The following BRD9 variants were observed in gnomAD, a reference collection of about 807,000 sequenced individuals.
The protein encoded by BRD9 is bromodomain containing 9.
A neutral mutation model predicts 68.7 loss-of-function variants in BRD9; 47 were observed. The observed-to-expected ratio is 0.68, with a 90% CI of 0.54 to 0.87. BRD9 has a LOEUF of 0.87. Among genes scored for constraint, BRD9 ranks in the 40% least tolerant of loss-of-function variants. BRD9 has a pLI of 0.00. For synonymous variants in BRD9, 313 were observed against 293.9 expected (o/e 1.06, Z -0.67); for missense variants, 670 against 748.4 (o/e 0.90, Z 1.22).
At chr5:878,772 G>C (rs1285991852) in intron 10 of BRD9, 2 of 453,026 alleles carry the variant, frequency 4.4e-6, no homozygotes, top group East Asian at 7.7e-5. Flanking sequence ...TGGAAACGTG[G>C]GCAGAGCGCA....
chr5:887,271 C>G, intron 6 of BRD9, 90 bp downstream of exon 6: 7 of 1,097,504 alleles, frequency 6.4e-6, no homozygotes, highest in Non-Finnish European at 9.6e-6. Flanking sequence ...GGATGGAGCA[C>G]GTGTTCACTG....
intron 14 of BRD9, chr5:865,837 C>G (rs1749306731): frequency 4.9e-6 from 2 of 409,404 alleles, no homozygotes; most frequent in South Asian, 1.1e-4. Flanking sequence ...TAGCACCGCA[C>G]AGACCACGTC....
At chr5:891,112 T>A (rs755286200) in intron 3 of BRD9, 43 bp downstream of exon 3, 2 of 1,504,196 alleles carry the variant, frequency 1.3e-6, no homozygotes, top group Non-Finnish European at 1.8e-6. Context: ...TTTACAACGA[T>A]GAGCTGTGAA....
chr5:886,204 G>A (rs1294319541), intron 7 of BRD9, among the ~76,000 whole-genome samples: 5 of 152,252 alleles, frequency 3.3e-5, no homozygotes, highest in Non-Finnish European at 7.3e-5. Context: ...GAAGCCCCCT[G>A]CCAATGCTGG....
chr5:886,818 A>G, intron 6 of BRD9, 111 bp from the exon 7 acceptor site: 1 of 1,570,782 alleles, frequency 6.4e-7, no homozygotes, highest in African/African-American at 1.3e-5. Context: ...CCTCACAGCC[A>G]GGGTGCCGTG....
rs1334699402 is a variant in BRD9, at chr5:864,355, G to A, written c.*113C>T. On this transcript the variant is annotated 3_prime_UTR_variant, in exon 16 of 16. Transcript: ENST00000467963. ...GACAATTCATTACCTCCCCGCGGCT[G>A]CTTCCCGCATGCCAAAGGGGACAGG... is the stretch of plus-strand genomic sequence containing the variant. 14 of 849,038 alleles carry A rather than the reference G, an allele frequency of 1.6e-5. No individual in the cohort carries two copies. Among genetic ancestry groups the A allele is most frequent in the Non-Finnish European group, 2.3e-5 (13 of 562,796 alleles). The allele number at this position is 849,038 out of a possible 1,614,324, so 52.6% of individuals were successfully genotyped here.
In BRD9 at chr5:881,161, C is replaced by T. The variant is rs376718869; in HGVS notation, c.988G>A (p.Gly330Arg). The T allele has an allele frequency of 9.9e-6, 16 of 1,613,938 alleles. No individual in the cohort carries two copies. The highest frequency in any genetic ancestry group is 4.0e-5 in the African/African-American group (3 of 74,950). ...ACGCTGTAGAGCAGGCTCCCGTCCC[C>T]GTTCCTCTTCAGATAGCCCATCTGG... ...GGKMGYLKRNGDGSLLYSVVN... is the reference protein window; with the variant it reads ...GGKMGYLKRNRDGSLLYSVVN... The change falls in exon 9 of 16, where the codon GGG becomes AGG. Residue 330 changes from glycine (G) to arginine (R), a missense_variant. Around this residue, in one of 5 missense-constraint regions of BRD9, gnomAD observed 135 missense variants for 141.2 expected, o/e 0.96. Coordinates refer to ENST00000467963, the MANE Select transcript of BRD9 (RefSeq NM_023924.5).
chr5:885,134 G>T (rs1752353739), intron 7 of BRD9, among the ~76,000 whole-genome samples: 1 of 152,196 alleles, frequency 6.6e-6, no homozygotes, highest in African/African-American at 2.4e-5. Context: ...ATGAAACCCC[G>T]ACCCCTGAAG....
At chr5:883,821 C>A in intron 8 of BRD9, 117 bp downstream of exon 8, 1 of 1,436,474 alleles carries the variant, frequency 7.0e-7, no homozygotes, top group African/African-American at 1.4e-5. Flanking sequence ...CAGGGCCCCA[C>A]GCTGACCTCT....
intron 3 of BRD9, 142 bp downstream of exon 3, chr5:891,013 A>G (rs1753283632): frequency 9.2e-7 from 1 of 1,084,732 alleles, no homozygotes; most frequent in Admixed American, 3.2e-5. Flanking sequence ...CTCAGGCCAG[A>G]GGACACCTGG....
At chr5:889,803 TC>T in intron 3 of BRD9, 156 bp from the exon 4 acceptor site, 3 of 1,457,042 alleles carry the variant, frequency 2.1e-6, no homozygotes, top group Non-Finnish European at 2.7e-6. Flanking sequence ...CAGCCTTGGC[TC>T]CCACCAAGCT....
intron 10 of BRD9, 129 bp from the exon 11 acceptor site, chr5:878,616 T>C (rs1751357976): frequency 1.5e-6 from 2 of 1,331,312 alleles, no homozygotes; most frequent in Non-Finnish European, 2.1e-6. Flanking sequence ...CCTCTCTTGC[T>C]CTCCACAAAA....
intron 9 of BRD9, 87 bp from the exon 10 acceptor site, chr5:879,976 TCA>T (rs1403607798): frequency 3.8e-6 from 4 of 1,062,188 alleles, no homozygotes; most frequent in Middle Eastern, 2.4e-4. Context: ...TTTCTCCACA[TCA>T]CAGTGGATGT....
chr5:885,851 C>G (rs1752476387), intron 7 of BRD9, among the ~76,000 whole-genome samples: 1 of 152,240 alleles, frequency 6.6e-6, no homozygotes, highest in African/African-American at 2.4e-5. Context: ...TTGGTCCTAT[C>G]AGGCAGCCAC....
intron 8 of BRD9, 28 bp from the exon 9 acceptor site, chr5:881,210 G>A: frequency 1.2e-6 from 2 of 1,609,146 alleles, no homozygotes; most frequent in South Asian, 1.1e-5. Context: ...CTGAGCGTCT[G>A]TCCCTCAGGA....
In BRD9 at chr5:892,592, C is replaced by T. The variant is rs1326730977; in HGVS notation, c.52+14G>A. 3 of 1,535,072 alleles carry T rather than the reference C, an allele frequency of 2.0e-6. No homozygotes were observed. The highest frequency in any genetic ancestry group is 2.6e-6 in the Non-Finnish European group (3 of 1,140,508). On this transcript the variant is annotated intron_variant, in intron 1 of 15. Transcript: ENST00000467963. ...ACCCCGCCCGCCGCGCGTCACAAAGCGCCGCCGCCTCACCCTCGTAGGACG... is the reference window on the plus strand; with the variant it reads ...ACCCCGCCCGCCGCGCGTCACAAAGTGCCGCCGCCTCACCCTCGTAGGACG...
At chr5:873,506 G>A (rs1036159017) in intron 12 of BRD9, among the ~76,000 whole-genome samples, 7 of 152,088 alleles carry the variant, frequency 4.6e-5, no homozygotes, top group African/African-American at 7.2e-5. Flanking sequence ...TGCAGATACC[G>A]CCCTTCTAGG....
intron 12 of BRD9, among the ~76,000 whole-genome samples, chr5:872,025 G>T (rs1211121908): frequency 1.3e-5 from 2 of 152,198 alleles, no homozygotes; most frequent in Non-Finnish European, 2.9e-5. Flanking sequence ...GACACCTCCT[G>T]GCAGTGCCTG....
intron 8 of BRD9, 108 bp from the exon 9 acceptor site, chr5:881,290 C>G (rs1375475106): frequency 3.8e-6 from 4 of 1,053,824 alleles, no homozygotes; most frequent in Non-Finnish European, 5.6e-6. Context: ...CACATTTGTC[C>G]AAGAACAAAC....
Sources: gnomAD v4.1 joint callset for allele counts (sites outside exome capture counted in the v4.1 genomes callset) on GRCh38, gnomAD v4.1.1 for gene constraint, gnomAD v4.1.1 regional missense constraint, MANE v1.5 for transcripts, NCBI Gene and HGNC (gene_info 2026-07-23, HGNC 2026-07-21) for gene names.